The following GLTPD2 variants were observed in gnomAD, a reference collection of about 807,000 sequenced individuals.
The protein encoded by GLTPD2 is glycolipid transfer protein domain containing 2, also known as glycolipid transfer protein domain-containing protein 2.
A neutral mutation model predicts 12.9 loss-of-function variants in GLTPD2; 12 were observed. The observed-to-expected ratio is 0.93, with a 90% CI of 0.59 to 1.50. The LOEUF (loss-of-function observed/expected upper bound fraction) is 1.50. Among genes scored for constraint, GLTPD2 ranks in the 40% most tolerant of loss-of-function variants. GLTPD2 has a pLI of 0.00. For missense variants in GLTPD2, 450 were observed against 426.2 expected (o/e 1.06, Z -0.49); for synonymous variants, 199 against 205.6 (o/e 0.97, Z 0.27).
chr17:4,789,835 CG>C lies in GLTPD2; in HGVS notation c.418del (p.Val140CysfsTer192). 1 of 1,608,952 alleles carries C rather than the reference CG, an allele frequency of 6.2e-7. No homozygotes were observed. The highest frequency in any genetic ancestry group is 8.5e-7 in the Non-Finnish European group (1 of 1,177,974). Reference protein sequence around the residue: ...AFTKVTDLEARVHGPDAEHYW... With the variant: ...AFTKVTDLEAXVHGPDAEHYW... ...CACCAAGGTGACAGACCTGGAGGCT[CG>C]GGTGCACGGCCCGGACGCGGAGCAC... On this transcript the variant is annotated frameshift_variant, in exon 4 of 4. Transcript: ENST00000331264. LOFTEE classifies it low-confidence loss of function (END_TRUNC).
At position 4,790,150 on chromosome 17, in the gene GLTPD2, C is replaced by T. The variant is rs369571991; in HGVS notation, c.730C>T (p.Arg244Cys). 88 of 1,466,766 alleles carry T rather than the reference C, an allele frequency of 6.0e-5. 2 individuals carry two copies. Among genetic ancestry groups the T allele is most frequent in the East Asian group, 4.4e-4 (15 of 34,230 alleles). The allele number at this position is 1,466,766 out of a possible 1,614,324, so 90.9% of individuals were successfully genotyped here. A position where few individuals can be genotyped will look rare whatever the true frequency, so the allele number is the denominator to read the frequency against. ...ARLAFLAFPG[R>C]RRLLELACPG... The stretch of plus-strand genomic sequence containing the variant: ...CCTCGCCTTCCTCGCCTTCCCGGGT[C>T]GCCGCCGCCTGCTGGAGCTGGCGTG... The change falls in exon 4 of 4, where the codon CGC (arginine) becomes TGC (cysteine). Residue 244 changes from arginine to cysteine, a missense_variant. By Grantham distance (180) the Arg-to-Cys change is radical. Coordinates refer to ENST00000331264, the MANE Select transcript of GLTPD2 (RefSeq NM_001014985.3).
Position 4,790,334 on chromosome 17 carries a change from C to T in GLTPD2, c.*38C>T. The T allele has an allele frequency of 1.4e-6, 2 of 1,407,952 alleles. No individual in the cohort carries two copies. The highest frequency in any genetic ancestry group is 1.8e-6 in the Non-Finnish European group (2 of 1,088,408). The allele number at this position is 1,407,952 out of a possible 1,614,324, so 87.2% of individuals were successfully genotyped here. On this transcript the variant is annotated 3_prime_UTR_variant, in exon 4 of 4. Coordinates refer to ENST00000331264, the MANE Select transcript of GLTPD2 (RefSeq NM_001014985.3). The stretch of plus-strand genomic sequence containing the variant: ...GGGGACCGGCGGGAACGGAGCGGAC[C>T]GCCCGGGGTGGGGCCGCGCAGCCCG...
chr17:4,789,798 T>C lies in GLTPD2; in HGVS notation c.378T>C (p.Thr126=). 6.2e-7 allele frequency: 1 copy of C among 1,612,412 alleles called. No homozygotes were observed. Among genetic ancestry groups the C allele is most frequent in the Non-Finnish European group, 8.5e-7 (1 of 1,179,376 alleles). ...TCGGCTCCGTCTTCGCCTTCGCCAC[T>C]AGGGAGGCCTTCACCAAGGTGACAG... ...TPLGSVFAFA[T]REAFTKVTDL... is the part of the protein sequence containing the mutation. The change falls in exon 4 of 4, where the codon ACT becomes ACC. Residue 126 remains threonine, a synonymous_variant. Coordinates refer to ENST00000331264, the MANE Select transcript of GLTPD2 (RefSeq NM_001014985.3).
chr17:4,790,298 A>T lies in GLTPD2; in HGVS notation c.*2A>T. On this transcript the variant is annotated 3_prime_UTR_variant, in exon 4 of 4. Transcript: ENST00000331264. ...CGCGGCCTGCTCCAGCTGGCCTAAG[A>T]CGGCGGCTGCGGGGACCGGCGGGAA... 2 of 1,466,000 alleles carry T rather than the reference A, an allele frequency of 1.4e-6. No homozygotes were observed. The highest frequency in any genetic ancestry group is 1.8e-6 in the Non-Finnish European group (2 of 1,117,116). 90.8% of individuals were successfully genotyped at this position (1,466,000 alleles called of 1,614,324 possible).
In GLTPD2 at chr17:4,789,700, G is replaced by A. The variant is rs781682644; in HGVS notation, c.338+23G>A. On this transcript the variant is annotated intron_variant, in intron 3 of 3. Coordinates refer to ENST00000331264, the MANE Select transcript of GLTPD2 (RefSeq NM_001014985.3). ...CGAGTGAGTGGCCTCCCGCCCCCCA[G>A]CCGGTCCCCGCCTCCTTGGCGGCTC... 5 of 1,611,592 alleles carry A rather than the reference G, an allele frequency of 3.1e-6. 1 individual carries two copies. In the East Asian group the frequency reaches 1.1e-4, roughly 36 times the overall value.
chr17:4,789,776 G>A lies in GLTPD2; in HGVS notation c.356G>A (p.Gly119Asp), dbSNP rs755307140. 4.3e-6 allele frequency: 7 copies of A among 1,613,176 alleles called. No homozygotes were observed. The African/African-American group carries it at 9.3e-5, about 22-fold the overall frequency. The change falls in exon 4 of 4, where the codon GGC becomes GAC. Residue 119 changes from glycine to aspartate, a missense_variant. Gly to Asp is a moderately conservative substitution (Grantham distance 94, BLOSUM62 -1). Transcript: ENST00000331264. ...RALVEFLTPL[G>D]SVFAFATREA... ...GCCCGCAGGTTCCTGACTCCCCTCGGCTCCGTCTTCGCCTTCGCCACTAGG... is the reference window on the plus strand; with the variant it reads ...GCCCGCAGGTTCCTGACTCCCCTCGACTCCGTCTTCGCCTTCGCCACTAGG...
Position 4,789,277 on chromosome 17 carries a change from C to T in GLTPD2, c.158C>T (p.Thr53Met), listed in dbSNP as rs1174199949. The T allele has an allele frequency of 6.3e-7, 1 of 1,589,506 alleles. No homozygotes were observed. Among genetic ancestry groups the T allele is most frequent in the Non-Finnish European group, 8.6e-7 (1 of 1,167,430 alleles). The change falls in exon 2 of 4, where the codon ACG becomes ATG. Residue 53 changes from threonine to methionine, a missense_variant. By Grantham distance (81) the Thr-to-Met change is moderately conservative. Transcript: ENST00000331264. ...PRAQPCVPGE[T>M]APFQVRQESG... ...GCGCAGCCCTGCGTTCCAGGGGAAA[C>T]GGCGCCCTTCCAGGTACGCTAGGCG...
Position 4,790,335 on chromosome 17 carries a change from G to C in GLTPD2, c.*39G>C, listed in dbSNP as rs1034860530. 18 of 1,402,782 alleles carry C rather than the reference G, an allele frequency of 1.3e-5. No individual in the cohort carries two copies. The highest frequency in any genetic ancestry group is 1.6e-5 in the Non-Finnish European group (17 of 1,085,258). The allele number at this position is 1,402,782 out of a possible 1,614,324, so 86.9% of individuals were successfully genotyped here. ...GGGACCGGCGGGAACGGAGCGGACC[G>C]CCCGGGGTGGGGCCGCGCAGCCCGG... On this transcript the variant is annotated 3_prime_UTR_variant, in exon 4 of 4. Coordinates refer to ENST00000331264, the MANE Select transcript of GLTPD2 (RefSeq NM_001014985.3).
Position 4,789,893 on chromosome 17 carries a change from A to G in GLTPD2, c.473A>G (p.Glu158Gly), listed in dbSNP as rs1348084153. The G allele has an allele frequency of 6.4e-7, 1 of 1,565,856 alleles. No homozygotes were observed. The highest frequency in any genetic ancestry group is 8.6e-7 in the Non-Finnish European group (1 of 1,156,676). ...YWSLVAMAAW[E>G]RRAGLLEQPG... ...TCGCTGGTGGCCATGGCGGCGTGGG[A>G]GCGGAGGGCGGGACTGCTGGAGCAG... Residue 158 changes from glutamate (E) to glycine (G), a missense_variant, in exon 4 of 4, where the codon GAG becomes GGG. By Grantham distance (98) the Glu-to-Gly change is moderately conservative (BLOSUM62 -2). Transcript: ENST00000331264.
In GLTPD2 at chr17:4,789,635, T is replaced by G; in HGVS notation, c.296T>G (p.Val99Gly). Reference sequence around the variant, plus strand: ...GCCAGTCTGAAACCCGAAGGGGATGTGGGGCTGTCGCCGTACCTGGCGGGA... The same window carrying G: ...GCCAGTCTGAAACCCGAAGGGGATGGGGGGCTGTCGCCGTACCTGGCGGGA... ...FHASLKPEGD[V>G]GLSPYLAGWR... The change falls in exon 3 of 4, where the codon GTG becomes GGG. Residue 99 changes from valine to glycine, a missense_variant. By Grantham distance (109) the Val-to-Gly change is moderately radical (BLOSUM62 -3). Coordinates refer to ENST00000331264, the MANE Select transcript of GLTPD2 (RefSeq NM_001014985.3). 1.2e-6 allele frequency: 2 copies of G among 1,613,740 alleles called. No individual in the cohort carries two copies. Among genetic ancestry groups the G allele is most frequent in the Non-Finnish European group, 1.7e-6 (2 of 1,179,972 alleles).
Position 4,789,697 on chromosome 17 carries a change from C to T in GLTPD2, c.338+20C>T. The T allele has an allele frequency of 6.2e-7, 1 of 1,610,232 alleles. No individual in the cohort carries two copies. Among genetic ancestry groups the T allele is most frequent in the South Asian group, 1.1e-5 (1 of 90,764 alleles). The stretch of plus-strand genomic sequence containing the variant: ...CGTCGAGTGAGTGGCCTCCCGCCCC[C>T]CAGCCGGTCCCCGCCTCCTTGGCGG... On this transcript the variant is annotated intron_variant, in intron 3 of 3. Coordinates refer to ENST00000331264, the MANE Select transcript of GLTPD2 (RefSeq NM_001014985.3).
chr17:4,790,360 G>C lies in GLTPD2; in HGVS notation c.*64G>C, dbSNP rs1917640468. The C allele has an allele frequency of 7.6e-7, 1 of 1,315,082 alleles. No individual in the cohort carries two copies. Among genetic ancestry groups the C allele is most frequent in the Non-Finnish European group, 9.8e-7 (1 of 1,024,734 alleles). The allele number at this position is 1,315,082 out of a possible 1,614,324, so 81.5% of individuals were successfully genotyped here. On this transcript the variant is annotated 3_prime_UTR_variant, in exon 4 of 4. Coordinates refer to ENST00000331264, the MANE Select transcript of GLTPD2 (RefSeq NM_001014985.3). ...GCCCGGGGTGGGGCCGCGCAGCCCG[G>C]GGTCAGTCCTGCAGCCCGCGCCGCG... is the stretch of plus-strand genomic sequence containing the variant.
In GLTPD2 at chr17:4,789,245, A is replaced by C; in HGVS notation, c.126A>C (p.Gly42=). Reference sequence around the variant, plus strand: ...ACCCAGGCGCCCGCTCGGGCTGCGGACCCAGGGCGCAGCCCTGCGTTCCAG... The same window carrying C: ...ACCCAGGCGCCCGCTCGGGCTGCGGCCCCAGGGCGCAGCCCTGCGTTCCAG... ...VRSLGARSGC[G]PRAQPCVPGE... Residue 42 remains glycine, a synonymous_variant, in exon 2 of 4, where the codon GGA becomes GGC. Transcript: ENST00000331264. 3 of 1,600,466 alleles carry C rather than the reference A, an allele frequency of 1.9e-6. No individual in the cohort carries two copies. The highest frequency in any genetic ancestry group is 2.6e-6 in the Non-Finnish European group (3 of 1,173,032).
At position 4,789,026 on chromosome 17, in the gene GLTPD2, G is replaced by C; in HGVS notation, c.15G>C (p.Ala5=). Residue 5 remains alanine (A), a synonymous_variant, in exon 1 of 4, where the codon GCG becomes GCC. Coordinates refer to ENST00000331264, the MANE Select transcript of GLTPD2 (RefSeq NM_001014985.3). The part of the protein sequence containing the change: MGVA[A]RPPALRHWFS... ...CAGCAGCAGGCATGGGAGTGGCGGC[G>C]CGGCCCCCAGCCCTGCGGCACTGGT... 1 of 1,612,108 alleles carries C rather than the reference G, an allele frequency of 6.2e-7. No homozygotes were observed. The highest frequency in any genetic ancestry group is 8.5e-7 in the Non-Finnish European group (1 of 1,179,550).
rs1431113839 is a variant in GLTPD2, at chr17:4,790,060, T to C, written c.640T>C (p.Cys214Arg). 2.8e-6 allele frequency: 4 copies of C among 1,412,848 alleles called. No individual in the cohort carries two copies. The highest frequency in any genetic ancestry group is 2.9e-5 in the East Asian group (1 of 34,032). 87.5% of individuals were successfully genotyped at this position (1,412,848 alleles called of 1,614,324 possible). A position where few individuals can be genotyped will look rare whatever the true frequency, so the allele number is the denominator to read the frequency against. ...GGGAGGCCCGGACGCGGGCGTGCAGTGCAGCGACGCCTACCGTGCGGCCCT... is the reference window on the plus strand; with the variant it reads ...GGGAGGCCCGGACGCGGGCGTGCAGCGCAGCGACGCCTACCGTGCGGCCCT... ...ALGGPDAGVQ[C>R]SDAYRAALGP... The change falls in exon 4 of 4, where the codon TGC (cysteine) becomes CGC (arginine). Residue 214 changes from cysteine (C) to arginine (R), a missense_variant. Coordinates refer to ENST00000331264, the MANE Select transcript of GLTPD2 (RefSeq NM_001014985.3).
chr17:4,789,074 T>C lies in GLTPD2; in HGVS notation c.63T>C (p.Ala21=). ...GGTTCAGCCACTCAATTCCTCTCGC[T>C]ATCTTCGCGCTGCTGCTGCTTTATC... is the stretch of plus-strand genomic sequence containing the variant. ...RHWFSHSIPL[A]IFALLLLYLS... The change falls in exon 1 of 4, where the codon GCT becomes GCC. Residue 21 remains alanine, a synonymous_variant. Coordinates refer to ENST00000331264, the MANE Select transcript of GLTPD2 (RefSeq NM_001014985.3). 1.2e-6 allele frequency: 2 copies of C among 1,614,026 alleles called. No homozygotes were observed. The highest frequency in any genetic ancestry group is 2.2e-5 in the East Asian group (1 of 44,872).
At position 4,789,042 on chromosome 17, in the gene GLTPD2, C is replaced by A. The variant is rs760343539; in HGVS notation, c.31C>A (p.Arg11=). The A allele has an allele frequency of 6.2e-7, 1 of 1,613,462 alleles. No homozygotes were observed. Among genetic ancestry groups the A allele is most frequent in the East Asian group, 2.2e-5 (1 of 44,874 alleles). MGVAARPPAL[R]HWFSHSIPLA... Reference sequence around the variant, plus strand: ...AGTGGCGGCGCGGCCCCCAGCCCTGCGGCACTGGTTCAGCCACTCAATTCC... The same window carrying A: ...AGTGGCGGCGCGGCCCCCAGCCCTGAGGCACTGGTTCAGCCACTCAATTCC... Residue 11 remains arginine, a synonymous_variant, in exon 1 of 4, where the codon CGG becomes AGG. Transcript: ENST00000331264.
rs1170198485 is a variant in GLTPD2 at position 4,789,748 on chromosome 17, C to T, written c.339-11C>T. On this transcript the variant is annotated splice_polypyrimidine_tract_variant and intron_variant, in intron 3 of 3. Coordinates refer to ENST00000331264, the MANE Select transcript of GLTPD2 (RefSeq NM_001014985.3). ...CTCCATCTCCATTCTCTCAAATCGT[C>T]TCGCCCGCAGGTTCCTGACTCCCCT... is the stretch of plus-strand genomic sequence containing the variant. 2 of 1,613,708 alleles carry T rather than the reference C, an allele frequency of 1.2e-6. No homozygotes were observed. The highest frequency in any genetic ancestry group is 1.7e-6 in the Non-Finnish European group (2 of 1,179,798).
Position 4,789,024 on chromosome 17 carries a change from G to T in GLTPD2, c.13G>T (p.Ala5Ser), listed in dbSNP as rs749306300. The change falls in exon 1 of 4, where the codon GCG becomes TCG. Residue 5 changes from alanine to serine, a missense_variant. Transcript: ENST00000331264. MGVA[A>S]RPPALRHWFS... ...CCCAGCAGCAGGCATGGGAGTGGCGGCGCGGCCCCCAGCCCTGCGGCACTG... is the reference window on the plus strand; with the variant it reads ...CCCAGCAGCAGGCATGGGAGTGGCGTCGCGGCCCCCAGCCCTGCGGCACTG... The T allele has an allele frequency of 6.2e-7, 1 of 1,612,198 alleles. No homozygotes were observed. The highest frequency in any genetic ancestry group is 8.5e-7 in the Non-Finnish European group (1 of 1,179,560).
Sources: gnomAD v4.1 joint callset for allele counts on GRCh38, gnomAD v4.1.1 for gene constraint, MANE v1.5 for transcripts, NCBI Gene and HGNC (gene_info 2026-07-23, HGNC 2026-07-21) for gene names.